The following AP2A2 variants were observed in gnomAD, a reference collection of about 807,000 sequenced individuals.
AP2A2 encodes adaptor related protein complex 2 subunit alpha 2, also known as AP-2 complex subunit alpha-2.
Under a neutral mutation model 104.2 loss-of-function variants are expected in AP2A2, and 32 were observed. The ratio of observed to expected loss-of-function variants is 0.31; its 90% CI spans 0.23 to 0.41. The LOEUF is 0.41. AP2A2 is among the 10% of genes least tolerant of loss of function. AP2A2 has a pLI of 1.00. For synonymous variants in AP2A2, 539 were observed against 533.3 expected (o/e 1.01, Z -0.15); for missense variants, 912 against 1,261.0 (o/e 0.72, Z 4.19).
At position 968,149 on chromosome 11, in the gene AP2A2, G is replaced by T. The variant is rs1286488680; in HGVS notation, c.137-2020G>T. Among the ~76,000 whole-genome samples the T allele has an allele frequency of 6.6e-6, 1 of 152,082 alleles. No homozygotes were observed. The highest frequency in any genetic ancestry group is 1.5e-5 in the Non-Finnish European group (1 of 68,028). ...ATCCACGTGCTGCCACATGAGCAGC[G>T]GGCCGAGCACTGTGGCTTTCTCCTC... On this transcript the variant is annotated intron_variant, in intron 2 of 21. Coordinates refer to ENST00000448903, the MANE Select transcript of AP2A2 (RefSeq NM_012305.4). This position sits in a 1 kb window ranked among gnomAD's most constrained non-coding sequence, Gnocchi z 4.2.
At chr11:974,026 G>A (rs1854925774) in intron 4 of AP2A2, among the ~76,000 whole-genome samples, 2 of 152,252 alleles carry the variant, frequency 1.3e-5, no homozygotes, top group African/African-American at 4.8e-5. Context: ...TGCTGCAGGA[G>A]CCAGGGACAG....
chr11:985,306 C>T (rs1242992575), intron 7 of AP2A2, 129 bp from the exon 8 acceptor site: 1 of 1,262,216 alleles, frequency 7.9e-7, no homozygotes, highest in Non-Finnish European at 1.1e-6. Context: ...TAAATGCTTC[C>T]AGCTGGGTAC....
At chr11:965,278 A>C (rs1369586283) in intron 2 of AP2A2, among the ~76,000 whole-genome samples, 1 of 152,110 alleles carries the variant, frequency 6.6e-6, no homozygotes, top group African/African-American at 2.4e-5. Flanking sequence ...GGAAGCGTGG[A>C]GGTGGAAAGA....
At chr11:1,006,460 TTTCAGGGTAAATA>T in intron 16 of AP2A2, 55 bp from the exon 17 acceptor site, 2 of 1,131,618 alleles carry the variant, frequency 1.8e-6, no homozygotes, top group Non-Finnish European at 2.6e-6. Context: ...GGCTCTTGTT[TTTCAGGGTAAATA>T]TTCAGGGTAA....
Position 956,270 on chromosome 11 carries a change from C to G in AP2A2, c.68-3167C>G, listed in dbSNP as rs182431951. Among the ~76,000 whole-genome samples the G allele has an allele frequency of 2.0e-3, 299 of 151,974 alleles. 2 individuals carry two copies. The highest frequency in any genetic ancestry group is 7.0e-3 in the African/African-American group (291 of 41,440). On this transcript the variant is annotated intron_variant, in intron 1 of 21. Transcript: ENST00000448903. ...CTCTGCCTCCTGGGTTCAAGTGATT[C>G]GTCTGTCTCAGCCTCCCAAGTAGCT... is the stretch of plus-strand genomic sequence containing the variant.
intron 5 of AP2A2, among the ~76,000 whole-genome samples, chr11:978,743 G>A (rs575261724): frequency 2.6e-5 from 4 of 152,180 alleles, no homozygotes; most frequent in Admixed American, 6.5e-5. Flanking sequence ...CAAGTCAGGA[G>A]CCCCCAAGAA....
chr11:941,932 TC>T (rs1267218586), intron 1 of AP2A2, among the ~76,000 whole-genome samples: 1 of 149,236 alleles, frequency 6.7e-6, no homozygotes, highest in Non-Finnish European at 1.5e-5. Context: ...TTATTTTTTA[TC>T]TATTTATATT....
chr11:946,078 T>C (rs1258478256), intron 1 of AP2A2, among the ~76,000 whole-genome samples: 1 of 152,132 alleles, frequency 6.6e-6, no homozygotes, highest in African/African-American at 2.4e-5. Context: ...CAATCCTCCA[T>C]AAAAGCAGTG....
At chr11:937,114 G>A (rs1286607636) in intron 1 of AP2A2, among the ~76,000 whole-genome samples, 1 of 152,058 alleles carries the variant, frequency 6.6e-6, no homozygotes, top group Non-Finnish European at 1.5e-5. Context: ...TCTGCCTCTG[G>A]GTTCAAGTGA....
rs1856438458 is a variant in AP2A2 at position 1,011,699 on chromosome 11, C to T, written c.*1074C>T. 2.9e-6 allele frequency: 1 copy of T among 340,288 alleles called. No individual in the cohort carries two copies. Among genetic ancestry groups the T allele is most frequent in the East Asian group, 8.1e-5 (1 of 12,284 alleles). The allele number at this position is 340,288 out of a possible 1,614,324, so 21.1% of individuals were successfully genotyped here. ...GTGGCCTTGTTTGTCCTAAACACAC[C>T]CAGCACAGGTTCTGGCTTCCTGACA... On this transcript the variant is annotated 3_prime_UTR_variant, in exon 22 of 22. Coordinates refer to ENST00000448903, the MANE Select transcript of AP2A2 (RefSeq NM_012305.4).
intron 14 of AP2A2, among the ~76,000 whole-genome samples, chr11:994,831 C>T (rs1590009166): frequency 7.7e-6 from 1 of 130,112 alleles, no homozygotes; most frequent in African/African-American, 2.9e-5. Flanking sequence ...GGACGCCCCC[C>T]TGGCCTGTCC....
chr11:976,692 T>G (rs1855052302), intron 4 of AP2A2, among the ~76,000 whole-genome samples: 1 of 148,622 alleles, frequency 6.7e-6, no homozygotes, highest in African/African-American at 2.5e-5. Flanking sequence ...CGTGGTGGGG[T>G]GAGGGTGGGC....
intron 6 of AP2A2, among the ~76,000 whole-genome samples, chr11:982,543 C>T (rs995123661): frequency 4.0e-5 from 6 of 151,416 alleles, no homozygotes; most frequent in Non-Finnish European, 8.8e-5. Context: ...TTGTTGTTGT[C>T]GTTGGTACTC....
chr11:979,105 G>T (rs1321999302), intron 5 of AP2A2, among the ~76,000 whole-genome samples: 3 of 152,062 alleles, frequency 2.0e-5, no homozygotes, highest in Non-Finnish European at 4.4e-5. Flanking sequence ...GCCACCACAG[G>T]GGTGGGGCCA....
At chr11:934,736 C>T (rs1853396348) in intron 1 of AP2A2, among the ~76,000 whole-genome samples, 1 of 152,148 alleles carries the variant, frequency 6.6e-6, no homozygotes, top group African/African-American at 2.4e-5. Flanking sequence ...TTTAGCATAT[C>T]TAAAGAACTT....
chr11:1,011,487 G>T lies in AP2A2; in HGVS notation c.*862G>T. ...CAGTCGTCCCTGGAGGGGCTGTGGA[G>T]GAGGGACGCCTCTGTGTGGTCAGGA... On this transcript the variant is annotated 3_prime_UTR_variant, in exon 22 of 22. Transcript: ENST00000448903. 1 of 498,678 alleles carries T rather than the reference G, an allele frequency of 2.0e-6. No homozygotes were observed. The highest frequency in any genetic ancestry group is 5.8e-5 in the East Asian group (1 of 17,320). The allele number at this position is 498,678 out of a possible 1,614,324, so 30.9% of individuals were successfully genotyped here.
chr11:1,005,273 GCGGTCC>G (rs1856167544), intron 16 of AP2A2, among the ~76,000 whole-genome samples: 1 of 152,232 alleles, frequency 6.6e-6, no homozygotes. Context: ...CTCCACTCAT[GCGGTCC>G]CTAGAGCAGT....
chr11:936,813 T>C (rs1853473036), intron 1 of AP2A2, among the ~76,000 whole-genome samples: 1 of 152,144 alleles, frequency 6.6e-6, no homozygotes, highest in African/African-American at 2.4e-5. Flanking sequence ...ACAGTGTGAT[T>C]CCTACAAGGC....
In AP2A2 at chr11:992,243, G is replaced by A. The variant is rs1018811425; in HGVS notation, c.1270-260G>A. Among the ~76,000 whole-genome samples, 3 of 152,174 alleles carry A rather than the reference G, an allele frequency of 2.0e-5. No homozygotes were observed. The highest frequency in any genetic ancestry group is 2.9e-5 in the Non-Finnish European group (2 of 68,032). ...CTTTGGGAGAGAAGGGCCCAGGTGG[G>A]AGGTGGCCTGGCTGTGGCCGTGGCC... On this transcript the variant is annotated intron_variant, in intron 10 of 21. Coordinates refer to ENST00000448903, the MANE Select transcript of AP2A2 (RefSeq NM_012305.4). This position sits in a 1 kb window ranked among gnomAD's most constrained non-coding sequence, Gnocchi z 6.4.
Sources: allele counts gnomAD v4.1 joint callset (sites outside exome capture counted in the v4.1 genomes callset), GRCh38; gene constraint gnomAD v4.1.1; non-coding constraint Gnocchi (gnomAD v3.1); transcripts MANE v1.5; gene names NCBI Gene and HGNC (gene_info 2026-07-23, HGNC 2026-07-21).